RNGTT: variants seen among roughly 807,000 people sequenced by gnomAD.
RNGTT encodes mRNA-capping enzyme.
RNGTT carries 33 observed loss-of-function variants against 79.3 expected under a neutral mutation model. The ratio of observed to expected loss-of-function variants is 0.42; its 90% CI spans 0.32 to 0.56. The LOEUF (loss-of-function observed/expected upper bound fraction) is 0.56, where lower values mean the gene tolerates loss of function less well. RNGTT is among the 20% of genes least tolerant of loss of function. RNGTT has a pLI of 0.17. For synonymous variants in RNGTT, 222 were observed against 235.9 expected (o/e 0.94, Z 0.54); for missense variants, 497 against 739.1 (o/e 0.67, Z 3.80).
At chr6:88,737,331 G>A (rs73754814) in intron 13 of RNGTT, among the ~76,000 whole-genome samples, 3,386 of 152,224 alleles carry the variant, frequency 0.022, 110 homozygotes, top group African/African-American at 0.077. Context: ...GTCTCAGGAC[G>A]AATCATACCT....
At chr6:88,825,286 GA>G (rs1780621480) in intron 11 of RNGTT, among the ~76,000 whole-genome samples, 1 of 152,162 alleles carries the variant, frequency 6.6e-6, no homozygotes, top group South Asian at 2.1e-4. Flanking sequence ...CACTGAAGAG[GA>G]GGGGGTTACA....
intron 4 of RNGTT, among the ~76,000 whole-genome samples, chr6:88,923,896 G>C (rs1355131359): frequency 6.6e-6 from 1 of 152,190 alleles, no homozygotes; most frequent in Non-Finnish European, 1.5e-5. Context: ...TGGCAACAAG[G>C]CATTTCCAAC....
chr6:88,635,537 T>C (rs1410137308), intron 14 of RNGTT, among the ~76,000 whole-genome samples: 2 of 152,080 alleles, frequency 1.3e-5, no homozygotes, highest in African/African-American at 2.4e-5. Flanking sequence ...TTCTTGATTA[T>C]TGTCCTGCAG....
At chr6:88,706,801 A>G (rs1316001579) in intron 13 of RNGTT, among the ~76,000 whole-genome samples, 1 of 152,116 alleles carries the variant, frequency 6.6e-6, no homozygotes. Context: ...CCTATATAAA[A>G]ATTTACTCAT....
chr6:88,838,239 A>G (rs1193499982), intron 11 of RNGTT, among the ~76,000 whole-genome samples: 2 of 152,156 alleles, frequency 1.3e-5, no homozygotes, highest in Admixed American at 1.3e-4. Flanking sequence ...CTGCTTCCAT[A>G]CAACATTAAA....
chr6:88,785,810 C>A (rs1484957564), intron 12 of RNGTT, among the ~76,000 whole-genome samples: 1 of 152,024 alleles, frequency 6.6e-6, no homozygotes, highest in South Asian at 2.1e-4. Context: ...ATTCAATATA[C>A]CTGGCAGTAG....
At chr6:88,634,924 T>C (rs181712645) in intron 14 of RNGTT, among the ~76,000 whole-genome samples, 4 of 152,236 alleles carry the variant, frequency 2.6e-5, no homozygotes, top group Non-Finnish European at 5.9e-5. Flanking sequence ...TAGTTCTTTC[T>C]TTTTTAACAG....
At chr6:88,869,834 G>C (rs1296718731) in intron 8 of RNGTT, among the ~76,000 whole-genome samples, 3 of 151,948 alleles carry the variant, frequency 2.0e-5, no homozygotes, top group African/African-American at 7.2e-5. Context: ...CTGCTTAAAG[G>C]CTGTAATTTA....
At chr6:88,727,589 T>A (rs1311574272) in intron 13 of RNGTT, among the ~76,000 whole-genome samples, 1 of 152,212 alleles carries the variant, frequency 6.6e-6, no homozygotes, top group Non-Finnish European at 1.5e-5. Flanking sequence ...AAGGTTTTAT[T>A]AAAATTGAGT....
intron 14 of RNGTT, among the ~76,000 whole-genome samples, chr6:88,627,794 T>A (rs1477201632): frequency 6.6e-6 from 1 of 152,058 alleles, no homozygotes; most frequent in Non-Finnish European, 1.5e-5. Context: ...CTCTTTAGTT[T>A]AGCAAAAAAT....
rs1377694894 is a variant in RNGTT, at chr6:88,925,457, G to A, written c.367+3528C>T. 3.9e-5 allele frequency among the ~76,000 whole-genome samples: 6 copies of A among 152,028 alleles called. No individual in the cohort carries two copies. In the East Asian group the frequency reaches 9.7e-4, roughly 25 times the overall value. ...AATACAAAAATTAGCAGGGTGTGGT[G>A]GTGCGCACGCCTATGGTCCCAGCTA... On this transcript the variant is annotated intron_variant, in intron 4 of 15. Coordinates refer to ENST00000369485, the MANE Select transcript of RNGTT (RefSeq NM_003800.5).
chr6:88,758,558 A>G (rs1012153464), intron 13 of RNGTT, among the ~76,000 whole-genome samples: 19 of 152,234 alleles, frequency 1.2e-4, no homozygotes, highest in African/African-American at 4.6e-4. Flanking sequence ...CCCTTTAAAA[A>G]ACACAGAATG....
chr6:88,618,310 T>C (rs2127764778), intron 14 of RNGTT, among the ~76,000 whole-genome samples: 1 of 152,334 alleles, frequency 6.6e-6, no homozygotes, highest in South Asian at 2.1e-4. Context: ...TTTGGTTAGG[T>C]GGTAAAATAT....
intron 14 of RNGTT, among the ~76,000 whole-genome samples, chr6:88,652,541 ACAGC>A (rs1773835562): frequency 6.6e-6 from 1 of 152,218 alleles, no homozygotes; most frequent in Admixed American, 6.5e-5. Flanking sequence ...GATGTCACTT[ACAGC>A]AGCAATCTCA....
chr6:88,697,315 G>T (rs1387362143), intron 13 of RNGTT, among the ~76,000 whole-genome samples: 1 of 151,310 alleles, frequency 6.6e-6, no homozygotes, highest in African/African-American at 2.4e-5. Context: ...ACTTTGGGAG[G>T]CCGCGGTGGG....
chr6:88,891,823 T>C lies in RNGTT; in HGVS notation c.777A>G (p.Gln259=), dbSNP rs369727211. 43 of 1,585,760 alleles carry C rather than the reference T, an allele frequency of 2.7e-5. No homozygotes were observed. The African/African-American group carries it at 5.7e-4, about 21-fold the overall frequency. Residue 259 remains glutamine (Q), a synonymous_variant, in exon 7 of 16, where the codon CAA becomes CAG. Coordinates refer to ENST00000369485, the MANE Select transcript of RNGTT (RefSeq NM_003800.5). ...TTTATTACCCTTCCCAGCCACAGAA[T>C]TGATGACACTTCTGCTGTACCTCTC... ...KLGEVQQKCH[Q]FCGWEGSGFP...
chr6:88,621,195 A>G (rs1213683672), intron 14 of RNGTT, among the ~76,000 whole-genome samples: 1 of 152,182 alleles, frequency 6.6e-6, no homozygotes, highest in Non-Finnish European at 1.5e-5. Context: ...ATTTATGTCT[A>G]GCACTTAGTG....
At chr6:88,787,665 CA>C (rs59210363) in intron 12 of RNGTT, among the ~76,000 whole-genome samples, 10,542 of 132,748 alleles carry the variant, frequency 0.079, 1,189 homozygotes, top group African/African-American at 0.26. Context: ...ATTTCAAAAA[CA>C]AAAAAAAAAA....
intron 1 of RNGTT, among the ~76,000 whole-genome samples, chr6:88,949,817 G>A (rs1785181830): frequency 6.6e-6 from 1 of 152,194 alleles, no homozygotes; most frequent in Admixed American, 6.5e-5. Context: ...TGTTATGGAA[G>A]CTGCAGCAAA....
Sources: gnomAD v4.1 joint callset for allele counts (sites outside exome capture counted in the v4.1 genomes callset) on GRCh38, gnomAD v4.1.1 for gene constraint, MANE v1.5 for transcripts, NCBI Gene and HGNC (gene_info 2026-07-23, HGNC 2026-07-21) for gene names.